Variants in NUBPL observed in about 807,000 individuals in gnomAD.
NUBPL encodes iron-sulfur cluster transfer protein NUBPL.
Under a neutral mutation model 45.7 loss-of-function variants are expected in NUBPL, and 31 were observed. That is an observed-to-expected ratio of 0.68 (90% CI 0.51 to 0.92). The LOEUF (loss-of-function observed/expected upper bound fraction) is 0.92. Ranked by LOEUF, NUBPL falls within the 40% of genes least tolerant of loss-of-function variation. The pLI is 0.00. For synonymous variants in NUBPL, 144 were observed against 140.9 expected, an observed-to-expected ratio of 1.02 and a Z score of -0.15; for missense variants, 401 against 398.7, an observed-to-expected ratio of 1.01 and a Z score of -0.05.
intron 8 of NUBPL, among the ~76,000 whole-genome samples, chr14:31,831,557 C>T (rs923422227): frequency 2.6e-5 from 4 of 151,324 alleles, no homozygotes; most frequent in South Asian, 2.1e-4. Context: ...CTGTCTCTCT[C>T]GCTGTGCCTG....
intron 4 of NUBPL, among the ~76,000 whole-genome samples, chr14:31,632,058 G>A (rs1233325714): frequency 6.6e-6 from 1 of 152,158 alleles, no homozygotes; most frequent in Non-Finnish European, 1.5e-5. Flanking sequence ...TAATCCTGGA[G>A]TTTCTAGATT....
At chr14:31,586,217 T>G (rs994521528) in intron 3 of NUBPL, among the ~76,000 whole-genome samples, 1 of 152,158 alleles carries the variant, frequency 6.6e-6, no homozygotes, top group African/African-American at 2.4e-5. Flanking sequence ...TCACAAAGCC[T>G]CCAGCCTTGT....
At chr14:31,857,107 A>G (rs925822105) in intron 10 of NUBPL, among the ~76,000 whole-genome samples, 2 of 152,176 alleles carry the variant, frequency 1.3e-5, no homozygotes, top group African/African-American at 4.8e-5. Context: ...CATACATCTG[A>G]AATCTAGGTG....
At chr14:31,656,507 T>G (rs1426383264) in intron 4 of NUBPL, among the ~76,000 whole-genome samples, 3 of 152,192 alleles carry the variant, frequency 2.0e-5, no homozygotes, top group African/African-American at 4.8e-5. Flanking sequence ...CTTAAACACT[T>G]AGAAGCCATG....
At chr14:31,729,225 G>A (rs1387423602) in intron 6 of NUBPL, among the ~76,000 whole-genome samples, 1 of 149,228 alleles carries the variant, frequency 6.7e-6, no homozygotes, top group Non-Finnish European at 1.5e-5. Flanking sequence ...GTTGCAATGA[G>A]CCAAGATTGC....
rs34367142 is a variant in NUBPL, at chr14:31,744,617, CTTT to C, written c.514-43143_514-43141del. On this transcript the variant is annotated intron_variant, in intron 6 of 10. Transcript: ENST00000281081. The stretch of plus-strand genomic sequence containing the variant: ...CATTATATTGAAAGATTTGTAGAAT[CTTT>C]TTTTTTTTTTTTTTTTTTTGAGATG... Among the ~76,000 whole-genome samples the C allele has an allele frequency of 9.7e-3, 1,011 of 103,894 alleles. 8 individuals are homozygous for C. The highest frequency in any genetic ancestry group is 0.036 in the African/African-American group (893 of 24,504). The allele number at this position is 103,894 out of a possible 152,430, so 68.2% of individuals were successfully genotyped here.
chr14:31,697,048 A>C (rs2037229747), intron 6 of NUBPL, among the ~76,000 whole-genome samples: 1 of 152,222 alleles, frequency 6.6e-6, no homozygotes, highest in Non-Finnish European at 1.5e-5. Flanking sequence ...AATATAAAGC[A>C]AAGATGTTTG....
rs148789551 is a variant in NUBPL at position 31,653,046 on chromosome 14, C to T, written c.383-20309C>T. ...GGACTTCAAAAGGGAAGGGGGTGTA[C>T]GAACGGGAAGTGGGTCACAAAGATT... On this transcript the variant is annotated intron_variant, in intron 4 of 10. Transcript: ENST00000281081. Among the ~76,000 whole-genome samples, 258 of 152,060 alleles carry T rather than the reference C, an allele frequency of 1.7e-3. 1 individual carries two copies. The highest frequency in any genetic ancestry group is 5.7e-3 in the African/African-American group (236 of 41,456).
At chr14:31,831,387 A>G (rs1164436062) in intron 8 of NUBPL, among the ~76,000 whole-genome samples, 3 of 151,814 alleles carry the variant, frequency 2.0e-5, no homozygotes, top group South Asian at 2.1e-4. Flanking sequence ...TGATCCAATT[A>G]CACTCTATTA....
chr14:31,679,641 C>A (rs570204974), intron 6 of NUBPL, among the ~76,000 whole-genome samples: 15 of 152,140 alleles, frequency 9.9e-5, no homozygotes, highest in African/African-American at 3.6e-4. Context: ...ACTGTAAAAC[C>A]ACATTGTCTT....
intron 3 of NUBPL, among the ~76,000 whole-genome samples, chr14:31,574,666 C>A (rs183474510): frequency 1.4e-4 from 19 of 139,418 alleles, no homozygotes; most frequent in East Asian, 2.2e-4. Context: ...TCTTGGCTCA[C>A]TGCAACCTTT....
At chr14:31,595,431 AT>A (rs1251455662) in intron 3 of NUBPL, among the ~76,000 whole-genome samples, 2 of 152,078 alleles carry the variant, frequency 1.3e-5, no homozygotes, top group African/African-American at 2.4e-5. Flanking sequence ...GCTAATAGTA[AT>A]TTTTTTTATC....
At chr14:31,803,760 T>C (rs1364633848) in intron 7 of NUBPL, among the ~76,000 whole-genome samples, 1 of 152,228 alleles carries the variant, frequency 6.6e-6, no homozygotes, top group African/African-American at 2.4e-5. Context: ...GTTACACAAA[T>C]TGTAACCAAC....
At chr14:31,850,246 C>A in intron 10 of NUBPL, 45 bp downstream of exon 10, 1 of 1,416,038 alleles carries the variant, frequency 7.1e-7, no homozygotes, top group Non-Finnish European at 1.0e-6. Flanking sequence ...TTTTTATGTA[C>A]TTTTGAAATA....
chr14:31,715,792 A>G (rs1566519562), intron 6 of NUBPL, among the ~76,000 whole-genome samples: 1 of 152,164 alleles, frequency 6.6e-6, no homozygotes, highest in Non-Finnish European at 1.5e-5. Flanking sequence ...CACTTAGGCT[A>G]CACTAAATTT....
chr14:31,787,215 G>C (rs141796374), intron 6 of NUBPL, among the ~76,000 whole-genome samples: 43 of 152,268 alleles, frequency 2.8e-4, no homozygotes, highest in African/African-American at 1.0e-3. Context: ...CTAAATGAAG[G>C]CTGAGCAGTA....
chr14:31,705,560 C>A (rs1308921058), intron 6 of NUBPL, among the ~76,000 whole-genome samples: 1 of 152,130 alleles, frequency 6.6e-6, no homozygotes, highest in South Asian at 2.1e-4. Context: ...AATCCTTTAG[C>A]AAGACACAAA....
intron 6 of NUBPL, among the ~76,000 whole-genome samples, chr14:31,720,897 T>C (rs906655033): frequency 2.2e-4 from 33 of 152,316 alleles, no homozygotes; most frequent in African/African-American, 7.9e-4. Context: ...GTTTCCTCCT[T>C]AAAGTTTCCA....
chr14:31,581,356 A>G (rs2139494748), intron 3 of NUBPL, among the ~76,000 whole-genome samples: 1 of 152,184 alleles, frequency 6.6e-6, no homozygotes. Flanking sequence ...ATCATTCCAA[A>G]CTGAAACTCT....
Sources: gnomAD v4.1 joint callset for allele counts (sites outside exome capture counted in the v4.1 genomes callset) on GRCh38, gnomAD v4.1.1 for gene constraint, MANE v1.5 for transcripts, NCBI Gene and HGNC (gene_info 2026-07-23, HGNC 2026-07-21) for gene names.